Variants in ZMYND11 observed in about 807,000 individuals in gnomAD.
ZMYND11 encodes the protein zinc finger MYND domain-containing protein 11.
In ZMYND11, 9 loss-of-function variants were observed where a neutral mutation model predicts 84.9. That is an observed-to-expected ratio of 0.11 (90% CI 0.06 to 0.18). ZMYND11 has a LOEUF of 0.18. Among genes scored for constraint, ZMYND11 ranks in the 10% least tolerant of loss-of-function variants. ZMYND11 has a pLI of 1.00. For missense variants in ZMYND11, 409 were observed against 761.0 expected, an observed-to-expected ratio of 0.54 and a Z score of 5.44; for synonymous variants, 250 against 244.1, an observed-to-expected ratio of 1.02 and a Z score of -0.23.
chr10:130,921 C>T (rs1002129542), upstream of ZMYND11, among the ~76,000 whole-genome samples: 2 of 152,046 alleles, frequency 1.3e-5, no homozygotes, highest in Non-Finnish European at 2.9e-5. Flanking sequence ...AGTTCGAGAC[C>T]AGCGTAAGCA....
intron 3 of ZMYND11, among the ~76,000 whole-genome samples, chr10:212,353 T>A (rs1945395820): frequency 6.6e-6 from 1 of 152,110 alleles, no homozygotes; most frequent in Non-Finnish European, 1.5e-5. Flanking sequence ...AAACATATAG[T>A]ATACAGGTTT....
At position 236,750 on chromosome 10, in the gene ZMYND11, CTAAG is replaced by C. The variant is rs906936435; in HGVS notation, c.439-86_439-83del. The C allele has an allele frequency of 3.7e-4, 414 of 1,120,018 alleles. 1 individual carries two copies. The African/African-American group carries it at 5.0e-3, about 14-fold the overall frequency. 69.4% of individuals were successfully genotyped at this position (1,120,018 alleles called of 1,614,324 possible). On this transcript the variant is annotated intron_variant, in intron 4 of 14. Transcript: ENST00000381604. ...TTTTAGTAAACTCTTTGCATACTAT[CTAAG>C]TGTTTCATATATGTCTTTTACATGA...
chr10:247,458 A>G lies in ZMYND11; in HGVS notation c.1219A>G (p.Lys407Glu). 6.2e-7 allele frequency: 1 copy of G among 1,613,986 alleles called. No individual in the cohort carries two copies. The highest frequency in any genetic ancestry group is 2.2e-5 in the East Asian group (1 of 44,864). The change falls in exon 12 of 15, where the codon AAA (lysine) becomes GAA (glutamate). Residue 407 changes from lysine (K) to glutamate (E), a missense_variant. Lys to Glu is a moderately conservative substitution (Grantham distance 56). Transcript: ENST00000381604. ...ACGACGTAATCAAAGTGTGGAGCCC[A>G]AAAAGGAAGTAAGTTGCCCACCTCG... ...KGRRNQSVEPKKEEPEPETEA... is the reference protein window; with the variant it reads ...KGRRNQSVEPEKEEPEPETEA...
chr10:153,225 A>G (rs993361388), intron 1 of ZMYND11, among the ~76,000 whole-genome samples: 1 of 152,208 alleles, frequency 6.6e-6, no homozygotes. Flanking sequence ...AATTATGACA[A>G]ATCTCTCAAA....
intron 2 of ZMYND11, among the ~76,000 whole-genome samples, chr10:181,227 CACTT>C (rs752705412): frequency 6.6e-6 from 1 of 152,188 alleles, no homozygotes; most frequent in Admixed American, 6.5e-5. Flanking sequence ...TTACAAAACT[CACTT>C]AAATAAATGC....
chr10:185,584 T>A (rs1453687539), intron 2 of ZMYND11, among the ~76,000 whole-genome samples: 1 of 142,404 alleles, frequency 7.0e-6, no homozygotes, highest in Admixed American at 7.0e-5. Context: ...GAGGCTGAGG[T>A]GGGTGGATTG....
intron 4 of ZMYND11, among the ~76,000 whole-genome samples, chr10:225,287 A>C (rs1002446699): frequency 1.3e-5 from 2 of 152,186 alleles, no homozygotes; most frequent in African/African-American, 4.8e-5. Flanking sequence ...CAGCACATGA[A>C]ACTATTTGTC....
Position 253,085 on chromosome 10 carries a change from TTTA to T in ZMYND11, c.*617_*619del, listed in dbSNP as rs1953813785. 6.5e-6 allele frequency: 1 copy of T among 152,680 alleles called. No homozygotes were observed. The highest frequency in any genetic ancestry group is 1.5e-5 in the Non-Finnish European group (1 of 68,048). 9.5% of individuals were successfully genotyped at this position (152,680 alleles called of 1,614,324 possible). ...CATTATTTCTTTTCAATATATAACT[TTTA>T]TAACAAATTATTAGCTTTGATCTTG... On this transcript the variant is annotated 3_prime_UTR_variant, in exon 15 of 15. Transcript: ENST00000381604.
intron 1 of ZMYND11, among the ~76,000 whole-genome samples, chr10:178,918 A>G (rs560385221): frequency 4.4e-4 from 67 of 152,292 alleles, no homozygotes; most frequent in African/African-American, 1.2e-3. Context: ...AGAGGTAGAG[A>G]AAAAGGAGAT....
In ZMYND11 at chr10:147,961, C is replaced by T. The variant is rs868950356; in HGVS notation, c.-20+12402C>T. Reference sequence around the variant, plus strand: ...CTAATCCTGATAGGCATCAGAAAAACTTGAATGTCTTTCCCTGGGGCAGTC... The same window carrying T: ...CTAATCCTGATAGGCATCAGAAAAATTTGAATGTCTTTCCCTGGGGCAGTC... On this transcript the variant is annotated intron_variant, in intron 1 of 14. Coordinates refer to ENST00000381604, the MANE Select transcript of ZMYND11 (RefSeq NM_001370100.5). 2.0e-5 allele frequency: 3 copies of T among 152,340 alleles called. No individual in the cohort carries two copies. In the South Asian group the frequency reaches 6.2e-4, roughly 32 times the overall value. The allele number at this position is 152,340 out of a possible 1,614,324, so 9.4% of individuals were successfully genotyped here.
At chr10:136,221 G>C (rs955903760) in intron 1 of ZMYND11, among the ~76,000 whole-genome samples, 4 of 152,176 alleles carry the variant, frequency 2.6e-5, no homozygotes, top group African/African-American at 9.6e-5. Flanking sequence ...AGAAGCTGCT[G>C]AGGACGCGGC....
At chr10:233,014 T>C (rs1286315782) in intron 4 of ZMYND11, among the ~76,000 whole-genome samples, 1 of 152,176 alleles carries the variant, frequency 6.6e-6, no homozygotes, top group Non-Finnish European at 1.5e-5. Context: ...CAGCAAAGGT[T>C]AGAATCAGGG....
chr10:181,272 T>C (rs1404629760), intron 2 of ZMYND11, among the ~76,000 whole-genome samples: 5 of 152,242 alleles, frequency 3.3e-5, no homozygotes, highest in Non-Finnish European at 5.9e-5. Context: ...AAGTAATATA[T>C]TGAGTTCCAT....
chr10:141,325 G>C (rs1400174017), intron 1 of ZMYND11, among the ~76,000 whole-genome samples: 1 of 152,188 alleles, frequency 6.6e-6, no homozygotes, highest in Non-Finnish European at 1.5e-5. Context: ...AGGCGAGCAA[G>C]ATGAGGGAGG....
intron 2 of ZMYND11, among the ~76,000 whole-genome samples, chr10:181,252 C>T (rs1238112257): frequency 1.3e-5 from 2 of 152,032 alleles, no homozygotes; most frequent in South Asian, 4.2e-4. Context: ...TTTTTTTGGC[C>T]TTTATTAATA....
intron 2 of ZMYND11, among the ~76,000 whole-genome samples, chr10:195,077 G>A (rs1162435354): frequency 6.6e-6 from 1 of 152,076 alleles, no homozygotes; most frequent in Non-Finnish European, 1.5e-5. Context: ...ATACAGATGT[G>A]GTAGTTAGAC....
In ZMYND11 at chr10:252,554, A is replaced by G; in HGVS notation, c.*84A>G. On this transcript the variant is annotated 3_prime_UTR_variant, in exon 15 of 15. Transcript: ENST00000381604. The surrounding 1 kb of genome is among the most constrained non-coding windows in gnomAD (Gnocchi z 4.6). ...TTTCCAAGAAGCCAAAATTGTTTAG[A>G]ATTTGCTTCCCATTTTGCACCAGCC... The G allele has an allele frequency of 6.6e-7, 1 of 1,509,186 alleles. No homozygotes were observed. Among genetic ancestry groups the G allele is most frequent in the Non-Finnish European group, 8.8e-7 (1 of 1,133,070 alleles). 93.5% of individuals were successfully genotyped at this position (1,509,186 alleles called of 1,614,324 possible).
At chr10:133,116 T>A (rs1431229086), upstream of ZMYND11, among the ~76,000 whole-genome samples, 1 of 152,194 alleles carries the variant, frequency 6.6e-6, no homozygotes, top group African/African-American at 2.4e-5. Flanking sequence ...TGGTATGCAT[T>A]TCAAGAGAGT....
intron 10 of ZMYND11, among the ~76,000 whole-genome samples, chr10:243,414 G>T (rs895321664): frequency 6.6e-6 from 1 of 152,054 alleles, no homozygotes; most frequent in African/African-American, 2.4e-5. Context: ...ATACTAATAG[G>T]TAAGAATAAT....
Sources: gnomAD v4.1 joint callset for allele counts (sites outside exome capture counted in the v4.1 genomes callset) on GRCh38, gnomAD v4.1.1 for gene constraint, Gnocchi (gnomAD v3.1) non-coding constraint, MANE v1.5 for transcripts, NCBI Gene and HGNC (gene_info 2026-07-23, HGNC 2026-07-21) for gene names.